PRR16: variants seen among roughly 807,000 people sequenced by gnomAD.
PRR16 encodes the protein proline rich 16, also known as protein Largen.
In PRR16, 6 loss-of-function variants were observed where a neutral mutation model predicts 18.2. The observed-to-expected ratio is 0.33, with a 90% CI of 0.18 to 0.65. The LOEUF is 0.65. Ranked by LOEUF, PRR16 falls within the 30% of genes least tolerant of loss-of-function variation. The pLI is 0.74. For missense variants in PRR16, 412 were observed against 376.6 expected (o/e 1.09, Z -0.78); for synonymous variants, 151 against 147.8 (o/e 1.02, Z -0.16).
chr5:120,554,782 G>T (rs1429663940), intron 1 of PRR16, among the ~76,000 whole-genome samples: 1 of 151,938 alleles, frequency 6.6e-6, no homozygotes, highest in Non-Finnish European at 1.5e-5. Context: ...AGCATTGCAA[G>T]TTAGGTTGGG....
the PRR16 span, chr5:120,710,942 C>CT: frequency 0.69 from 103,157 of 149,544 alleles, 37,225 homozygotes; most frequent in East Asian, 0.86. Context: ...AGAATCCACT[C>CT]TTTTTTTTTT....
rs567725887 is a variant in PRR16, at chr5:120,528,840, A to G, written c.159+64195A>G. Among the ~76,000 whole-genome samples, 137 of 152,260 alleles carry G rather than the reference A, an allele frequency of 9.0e-4. 2 individuals carry two copies. The highest frequency in any genetic ancestry group is 3.1e-3 in the African/African-American group (128 of 41,552). ...TGGACATACTGATGAGGAGTACAAG[A>G]GACAGATTATTATGGATTGCACAAA... is the stretch of plus-strand genomic sequence containing the variant. On this transcript the variant is annotated intron_variant, in intron 1 of 1. Transcript: ENST00000407149.
Position 120,670,312 on chromosome 5 carries a change from A to G in PRR16, c.160-15642A>G, listed in dbSNP as rs184520940. Among the ~76,000 whole-genome samples, 115 of 152,280 alleles carry G rather than the reference A, an allele frequency of 7.6e-4. 1 individual carries two copies. Among genetic ancestry groups the G allele is most frequent in the African/African-American group, 2.7e-3 (112 of 41,578 alleles). ...TGGATCCACTAAATTCTCTGTTTTC[A>G]TAAAGAAAAAAAGTGAATGTTGAAG... On this transcript the variant is annotated intron_variant, in intron 1 of 1. Transcript: ENST00000407149.
the PRR16 span, among the ~76,000 whole-genome samples, chr5:120,735,829 A>T: frequency 3.3e-5 from 5 of 152,220 alleles, no homozygotes; most frequent in Non-Finnish European, 7.4e-5. Context: ...TAAATTTGAT[A>T]TAGTCCCACT....
the PRR16 span, among the ~76,000 whole-genome samples, chr5:120,728,658 C>G: frequency 6.6e-5 from 10 of 152,278 alleles, no homozygotes; most frequent in Middle Eastern, 3.4e-3. Flanking sequence ...TATTCAGACT[C>G]TACAGCGAAA....
intron 1 of PRR16, among the ~76,000 whole-genome samples, chr5:120,589,142 TAAGTA>T (rs1753549600): frequency 6.6e-6 from 1 of 152,150 alleles, no homozygotes; most frequent in Non-Finnish European, 1.5e-5. Context: ...TTTATCCTAA[TAAGTA>T]AATAAAAATT....
chr5:120,669,107 G>C (rs779720102), intron 1 of PRR16, among the ~76,000 whole-genome samples: 32 of 152,136 alleles, frequency 2.1e-4, no homozygotes, highest in Non-Finnish European at 5.9e-5. Flanking sequence ...ATGACACTGA[G>C]TCTTTTAAGC....
intron 1 of PRR16, among the ~76,000 whole-genome samples, chr5:120,559,214 A>T (rs1294563956): frequency 6.6e-6 from 1 of 151,778 alleles, no homozygotes; most frequent in Admixed American, 6.6e-5. Flanking sequence ...TACTCAAGAA[A>T]TTTTTGCCCA....
intron 1 of PRR16, among the ~76,000 whole-genome samples, chr5:120,678,470 A>G (rs1213427983): frequency 6.6e-6 from 1 of 152,204 alleles, no homozygotes; most frequent in African/African-American, 2.4e-5. Context: ...AATTCTTACT[A>G]TGTGCAGTCA....
chr5:120,583,832 A>T (rs947850998), intron 1 of PRR16, among the ~76,000 whole-genome samples: 1 of 152,180 alleles, frequency 6.6e-6, no homozygotes, highest in Non-Finnish European at 1.5e-5. Context: ...CCGTATCTGT[A>T]ATCATTTAGG....
At chr5:120,585,552 G>T (rs1753412115) in intron 1 of PRR16, among the ~76,000 whole-genome samples, 2 of 151,704 alleles carry the variant, frequency 1.3e-5, no homozygotes, top group Non-Finnish European at 2.9e-5. Flanking sequence ...CCAGGAATTG[G>T]AGGATGCAGT....
the PRR16 span, among the ~76,000 whole-genome samples, chr5:120,747,706 C>T: frequency 1.1e-4 from 17 of 151,494 alleles, no homozygotes; most frequent in East Asian, 2.9e-3. Flanking sequence ...CTTTTTAGAG[C>T]CTAGGCTTTT....
At chr5:120,468,359 A>T (rs1184606117) in intron 1 of PRR16, among the ~76,000 whole-genome samples, 1 of 152,182 alleles carries the variant, frequency 6.6e-6, no homozygotes, top group Non-Finnish European at 1.5e-5. Flanking sequence ...AAAAAGGAAG[A>T]TTTTGAATTC....
the PRR16 span, among the ~76,000 whole-genome samples, chr5:120,701,840 C>T: frequency 5.3e-5 from 8 of 152,178 alleles, no homozygotes; most frequent in East Asian, 9.7e-4. Context: ...CACCTCAGAC[C>T]GTTTGCCTAT....
At chr5:120,557,936 T>A (rs1034527812) in intron 1 of PRR16, among the ~76,000 whole-genome samples, 1 of 151,848 alleles carries the variant, frequency 6.6e-6, no homozygotes, top group African/African-American at 2.4e-5. Context: ...GGGTTAAGGT[T>A]TAGATTTAAT....
At chr5:120,609,482 A>G (rs1415669659) in intron 1 of PRR16, among the ~76,000 whole-genome samples, 2 of 152,168 alleles carry the variant, frequency 1.3e-5, no homozygotes, top group African/African-American at 4.8e-5. Flanking sequence ...TTGTTTTGAG[A>G]TCATTGCCAA....
intron 1 of PRR16, among the ~76,000 whole-genome samples, chr5:120,517,623 T>A (rs1343028275): frequency 6.6e-6 from 1 of 152,196 alleles, no homozygotes; most frequent in Non-Finnish European, 1.5e-5. Flanking sequence ...TTTCTTTTCT[T>A]TTAAAACTTA....
intron 1 of PRR16, among the ~76,000 whole-genome samples, chr5:120,486,922 G>A (rs1482035997): frequency 6.6e-6 from 1 of 152,118 alleles, no homozygotes; most frequent in Non-Finnish European, 1.5e-5. Flanking sequence ...CCCATTTCCT[G>A]TTTTTGTCAG....
the PRR16 span, among the ~76,000 whole-genome samples, chr5:120,771,725 G>A: frequency 6.6e-6 from 1 of 151,952 alleles, no homozygotes; most frequent in Non-Finnish European, 1.5e-5. Context: ...GATTAACAGT[G>A]AACCGTACCA....
Sources: gnomAD v4.1 joint callset for allele counts (sites outside exome capture counted in the v4.1 genomes callset) on GRCh38, gnomAD v4.1.1 for gene constraint, MANE v1.5 for transcripts, NCBI Gene and HGNC (gene_info 2026-07-23, HGNC 2026-07-21) for gene names.